ABCC5: variants seen among roughly 807,000 people sequenced by gnomAD.
The protein encoded by ABCC5 is ATP binding cassette subfamily C member 5, also known as ATP-binding cassette sub-family C member 5.
ABCC5 carries 61 observed loss-of-function variants against 160.9 expected under a neutral mutation model. The observed-to-expected ratio is 0.38, with a 90% confidence interval of 0.31 to 0.47. The LOEUF is 0.47. Among genes scored for constraint, ABCC5 ranks in the 20% least tolerant of loss-of-function variants. The pLI is 0.99. For synonymous variants in ABCC5, 666 were observed against 700.6 expected, an observed-to-expected ratio of 0.95 and a Z score of 0.78; for missense variants, 1,308 against 1,813.3, an observed-to-expected ratio of 0.72 and a Z score of 5.06.
chr3:183,953,344 A>T, intron 17 of ABCC5, 74 bp from the exon 18 acceptor site: 1 of 1,398,294 alleles, frequency 7.2e-7, no homozygotes, highest in Non-Finnish European at 9.6e-7. Context: ...CCTGCAGAGC[A>T]ACAGAATCGG....
intron 1 of ABCC5, among the ~76,000 whole-genome samples, chr3:184,016,371 G>T (rs906568827): frequency 2.6e-5 from 4 of 152,142 alleles, no homozygotes; most frequent in Middle Eastern, 3.2e-3. Flanking sequence ...CCCAAAGTAG[G>T]CACAAAGTTA....
At chr3:184,014,549 T>C (rs1012173711) in intron 1 of ABCC5, 102 bp from the exon 2 acceptor site, 11 of 613,506 alleles carry the variant, frequency 1.8e-5, no homozygotes, top group Admixed American at 4.3e-5. Context: ...AAGGCAAAAG[T>C]ACTAAAGCTT....
At chr3:183,939,578 T>C (rs1560477094) in intron 25 of ABCC5, among the ~76,000 whole-genome samples, 1 of 152,230 alleles carries the variant, frequency 6.6e-6, no homozygotes, top group Non-Finnish European at 1.5e-5. Context: ...TTAGTTTATG[T>C]AAAACTTATA....
chr3:183,957,314 C>G (rs1408566734), intron 17 of ABCC5, among the ~76,000 whole-genome samples: 1 of 110,788 alleles, frequency 9.0e-6, no homozygotes, highest in Admixed American at 9.4e-5. Flanking sequence ...GTGTGTAAAT[C>G]ACATCGGTTA....
intron 2 of ABCC5, among the ~76,000 whole-genome samples, chr3:184,003,487 A>G (rs1038955830): frequency 6.6e-6 from 1 of 152,128 alleles, no homozygotes; most frequent in African/African-American, 2.4e-5. Context: ...CTAGAACCCA[A>G]CCTATATGGG....
intron 22 of ABCC5, 40 bp from the exon 23 acceptor site, chr3:183,947,550 A>G: frequency 6.6e-7 from 1 of 1,509,016 alleles, no homozygotes. Context: ...AGAAAGTACT[A>G]CACAACCCCG....
intron 8 of ABCC5, among the ~76,000 whole-genome samples, chr3:183,981,334 G>A (rs1488666115): frequency 5.9e-5 from 9 of 152,118 alleles, no homozygotes; most frequent in Non-Finnish European, 1.3e-4. Flanking sequence ...ACTATTTCCC[G>A]TGAAACCACA....
At chr3:183,984,757 T>C in intron 5 of ABCC5, 1 of 1,539,508 alleles carries the variant, frequency 6.5e-7, no homozygotes, top group South Asian at 1.2e-5. Flanking sequence ...TCTTTTCCAG[T>C]ATGCAATCCA....
In ABCC5 at chr3:183,987,304, A is replaced by C; in HGVS notation, c.591+466T>G. On this transcript the variant is annotated intron_variant, in intron 5 of 29. Transcript: ENST00000334444. This position sits in a 1 kb window ranked among gnomAD's most constrained non-coding sequence, Gnocchi z 4.2. Reference sequence around the variant, plus strand: ...AAACGGACTCCAGGTCAGACTCTAAAATCCTCGACAGTCCTCTAGTTTTCT... The same window carrying C: ...AAACGGACTCCAGGTCAGACTCTAACATCCTCGACAGTCCTCTAGTTTTCT... 3.6e-6 allele frequency: 1 copy of C among 277,310 alleles called. No homozygotes were observed. Among genetic ancestry groups the C allele is most frequent in the Non-Finnish European group, 6.9e-6 (1 of 145,326 alleles). 17.2% of individuals were successfully genotyped at this position (277,310 alleles called of 1,614,324 possible).
rs374493135 is a variant in ABCC5 at position 183,956,391 on chromosome 3, A to C, written c.2483-3121T>G. 4.4e-3 allele frequency among the ~76,000 whole-genome samples: 462 copies of C among 105,818 alleles called. No homozygotes were observed. The Middle Eastern group carries it at 0.056, about 13-fold the overall frequency. 69.4% of individuals were successfully genotyped at this position (105,818 alleles called of 152,430 possible). A position where few individuals can be genotyped will look rare whatever the true frequency, so the allele number is the denominator to read the frequency against. On this transcript the variant is annotated intron_variant, in intron 17 of 29. Coordinates refer to ENST00000334444, the MANE Select transcript of ABCC5 (RefSeq NM_005688.4). ...ATGCAGCTCCGTGTGTAAATCACATAGGTTACATGCAGATCCGTGTGTATA... is the reference window on the plus strand; with the variant it reads ...ATGCAGCTCCGTGTGTAAATCACATCGGTTACATGCAGATCCGTGTGTATA...
intron 18 of ABCC5, 141 bp from the exon 19 acceptor site, chr3:183,952,144 C>CT (rs34905378): frequency 0.063 from 23,435 of 371,798 alleles, 1,283 homozygotes; most frequent in African/African-American, 0.25. Flanking sequence ...TTGTCCACCT[C>CT]TTTTTTTTTT....
chr3:183,985,698 C>T (rs1329648639), intron 5 of ABCC5: 2 of 398,726 alleles, frequency 5.0e-6, no homozygotes, highest in Non-Finnish European at 9.6e-6. Context: ...GTAAGTGTAG[C>T]AATGTGGCTA....
intron 2 of ABCC5, chr3:184,001,373 G>A (rs952503655): frequency 4.0e-5 from 17 of 420,456 alleles, no homozygotes; most frequent in Non-Finnish European, 4.2e-5. Context: ...TTACAAACGA[G>A]GTATTTCTTT....
rs756466544 is a variant in ABCC5, at chr3:183,951,871, CT to C, written c.2799del (p.Val934LeufsTer27). The C allele has an allele frequency of 6.2e-7, 1 of 1,613,684 alleles. No homozygotes were observed. Among genetic ancestry groups the C allele is most frequent in the East Asian group, 2.2e-5 (1 of 44,866 alleles). ...AVMLILKAIR[G>X]VVFVKGTLRA... The stretch of plus-strand genomic sequence containing the variant: ...CCAATGCATACCTTGACAAAGACAA[CT>C]CCTCGAATGGCTTTCAGGATCAGCA... On this transcript the variant is annotated frameshift_variant, in exon 19 of 30. Coordinates refer to ENST00000334444, the MANE Select transcript of ABCC5 (RefSeq NM_005688.4). LOFTEE classifies it high-confidence loss of function. This position sits in a 1 kb window ranked among gnomAD's most constrained non-coding sequence, Gnocchi z 4.7.
intron 17 of ABCC5, among the ~76,000 whole-genome samples, chr3:183,955,001 C>T (rs1715733665): frequency 6.6e-6 from 1 of 152,018 alleles, no homozygotes; most frequent in South Asian, 2.1e-4. Flanking sequence ...TTAAGCTCTG[C>T]CTGAAGAGTT....
At chr3:183,985,364 G>A in intron 5 of ABCC5, 1 of 1,613,872 alleles carries the variant, frequency 6.2e-7, no homozygotes, top group South Asian at 1.1e-5. Context: ...GCAGAATACA[G>A]CCATCCTGAA....
At position 183,988,467 on chromosome 3, in the gene ABCC5, G is replaced by A. The variant is rs1719421759; in HGVS notation, c.443+105C>T. 5 of 1,433,990 alleles carry A rather than the reference G, an allele frequency of 3.5e-6. No homozygotes were observed. The African/African-American group carries it at 5.7e-5, about 16-fold the overall frequency. 88.8% of individuals were successfully genotyped at this position (1,433,990 alleles called of 1,614,324 possible). On this transcript the variant is annotated intron_variant, in intron 4 of 29. Coordinates refer to ENST00000334444, the MANE Select transcript of ABCC5 (RefSeq NM_005688.4). The surrounding 1 kb of genome is among the most constrained non-coding windows in gnomAD (Gnocchi z 4.4). ...ATCCCCAGGCCGCCCGCCCTCCACTGGACAGCTCGGCTCTTTAAAGACACA... is the reference window on the plus strand; with the variant it reads ...ATCCCCAGGCCGCCCGCCCTCCACTAGACAGCTCGGCTCTTTAAAGACACA...
Position 183,996,049 on chromosome 3 carries a change from C to T in ABCC5, c.130-6666G>A, listed in dbSNP as rs544810922. ...GTCTCGATCTCCTGACCTCATGATCCGCCTGCCTCGGCCTCCCAAAGTGTT... is the reference window on the plus strand; with the variant it reads ...GTCTCGATCTCCTGACCTCATGATCTGCCTGCCTCGGCCTCCCAAAGTGTT... On this transcript the variant is annotated intron_variant, in intron 2 of 29. Coordinates refer to ENST00000334444, the MANE Select transcript of ABCC5 (RefSeq NM_005688.4). Among the ~76,000 whole-genome samples, 17 of 152,206 alleles carry T rather than the reference C, an allele frequency of 1.1e-4. No individual in the cohort carries two copies. The South Asian group carries it at 2.7e-3, about 24-fold the overall frequency.
chr3:183,989,738 C>T (rs1576909026), intron 2 of ABCC5, among the ~76,000 whole-genome samples: 1 of 152,084 alleles, frequency 6.6e-6, no homozygotes, highest in South Asian at 2.1e-4. Flanking sequence ...ACCTTTGTTA[C>T]AATTGATGAG....
Sources: allele counts gnomAD v4.1 joint callset (sites outside exome capture counted in the v4.1 genomes callset), GRCh38; gene constraint gnomAD v4.1.1; non-coding constraint Gnocchi (gnomAD v3.1); transcripts MANE v1.5; gene names NCBI Gene and HGNC (gene_info 2026-07-23, HGNC 2026-07-21).